The following FAM210A variants were observed in gnomAD, a reference collection of about 807,000 sequenced individuals.
FAM210A encodes the protein mitochondrial inner membrane scaffold 1.
A neutral mutation model predicts 25.3 loss-of-function variants in FAM210A; 13 were observed. The observed-to-expected ratio is 0.51, with a 90% CI of 0.33 to 0.82. FAM210A has a LOEUF of 0.82. FAM210A is among the 40% of genes least tolerant of loss of function. FAM210A has a pLI of 0.02. For missense variants in FAM210A, 319 were observed against 323.2 expected (o/e 0.99, Z 0.10); for synonymous variants, 125 against 118.7 (o/e 1.05, Z -0.35).
At chr18:13,704,726 T>G (rs2043765134) in intron 1 of FAM210A, among the ~76,000 whole-genome samples, 1 of 152,302 alleles carries the variant, frequency 6.6e-6, no homozygotes, top group Middle Eastern at 3.4e-3. Context: ...CAAGTTATAT[T>G]TTAGTGAATG....
At chr18:13,672,690 G>A (rs1429772641) in intron 2 of FAM210A, among the ~76,000 whole-genome samples, 1 of 152,210 alleles carries the variant, frequency 6.6e-6, no homozygotes, top group Non-Finnish European at 1.5e-5. Context: ...TTACAGGCAT[G>A]AGCCACAGTG....
At chr18:13,707,458 C>T (rs1424900164) in intron 1 of FAM210A, among the ~76,000 whole-genome samples, 1 of 152,232 alleles carries the variant, frequency 6.6e-6, no homozygotes, top group Non-Finnish European at 1.5e-5. Context: ...AAGGAGGTAC[C>T]CTCTACTCAG....
intron 1 of FAM210A, among the ~76,000 whole-genome samples, chr18:13,708,146 G>A (rs2043794037): frequency 6.6e-6 from 1 of 152,170 alleles, no homozygotes; most frequent in Non-Finnish European, 1.5e-5. Flanking sequence ...GCCTTGCAAT[G>A]GGCAATAGAA....
intron 1 of FAM210A, chr18:13,697,473 G>T (rs375439981): frequency 1.2e-4 from 21 of 172,406 alleles, no homozygotes; most frequent in African/African-American, 5.0e-4. Flanking sequence ...CTTATTGTTG[G>T]TGGGAATGCA....
intron 1 of FAM210A, among the ~76,000 whole-genome samples, chr18:13,689,729 A>AT (rs1288224254): frequency 6.6e-6 from 1 of 152,222 alleles, no homozygotes; most frequent in Non-Finnish European, 1.5e-5. Flanking sequence ...TTTTTATTGC[A>AT]TATGATATGA....
At chr18:13,719,601 C>T (rs2043884111) in intron 1 of FAM210A, among the ~76,000 whole-genome samples, 1 of 152,074 alleles carries the variant, frequency 6.6e-6, no homozygotes, top group Non-Finnish European at 1.5e-5. Context: ...ACCCTTTCAC[C>T]CACAGAGGTC....
In FAM210A at chr18:13,664,544, A is replaced by C. The variant is rs1410661133; in HGVS notation, c.*1936T>G. 2 of 152,210 alleles carry C rather than the reference A, an allele frequency of 1.3e-5. No homozygotes were observed. The highest frequency in any genetic ancestry group is 1.9e-4 in the East Asian group (1 of 5,198). 9.4% of individuals were successfully genotyped at this position (152,210 alleles called of 1,614,324 possible). On this transcript the variant is annotated 3_prime_UTR_variant, in exon 4 of 4. Transcript: ENST00000651643. ...CTTAAAAAACATGTTAATCATGTTTAGATTTGAAAATGTGGCATCAATGTG... is the reference window on the plus strand; with the variant it reads ...CTTAAAAAACATGTTAATCATGTTTCGATTTGAAAATGTGGCATCAATGTG...
intron 3 of FAM210A, among the ~76,000 whole-genome samples, chr18:13,667,653 G>T (rs911412459): frequency 6.6e-6 from 1 of 152,106 alleles, no homozygotes; most frequent in Admixed American, 6.5e-5. Context: ...CGGTGGCAGA[G>T]GTTGCAGCGA....
At chr18:13,716,518 T>C (rs2043863208) in intron 1 of FAM210A, among the ~76,000 whole-genome samples, 1 of 152,310 alleles carries the variant, frequency 6.6e-6, no homozygotes, top group East Asian at 1.9e-4. Context: ...AGGAAACATA[T>C]GGATTCTGGG....
intron 2 of FAM210A, among the ~76,000 whole-genome samples, chr18:13,675,700 GC>G (rs1211228266): frequency 3.6e-3 from 131 of 36,132 alleles, no homozygotes; most frequent in African/African-American, 4.3e-3. Context: ...ACATTCCTGA[GC>G]CCCGACTTCA....
chr18:13,713,701 T>C (rs886080591), intron 1 of FAM210A, among the ~76,000 whole-genome samples: 6 of 109,518 alleles, frequency 5.5e-5, no homozygotes, highest in African/African-American at 2.1e-4. Flanking sequence ...CCGTGATTAG[T>C]AGCGGGGAAG....
Position 13,703,347 on chromosome 18 carries a change from A to G in FAM210A, c.-28-21242T>C, listed in dbSNP as rs578145315. On this transcript the variant is annotated intron_variant, in intron 1 of 3. Coordinates refer to ENST00000651643, the MANE Select transcript of FAM210A (RefSeq NM_152352.4). Reference sequence around the variant, plus strand: ...CCTAGGAAGTATGGAGATGTCCCCAACCCCACTGAAAGATAAGACTCCTAT... The same window carrying G: ...CCTAGGAAGTATGGAGATGTCCCCAGCCCCACTGAAAGATAAGACTCCTAT... Among the ~76,000 whole-genome samples, 34 of 152,124 alleles carry G rather than the reference A, an allele frequency of 2.2e-4. No homozygotes were observed. The South Asian group carries it at 5.4e-3, about 24-fold the overall frequency.
intron 1 of FAM210A, among the ~76,000 whole-genome samples, chr18:13,683,712 C>A (rs1423777328): frequency 1.3e-5 from 2 of 152,092 alleles, no homozygotes; most frequent in African/African-American, 2.4e-5. Context: ...GGTGGTACCA[C>A]ACATGCCTTC....
chr18:13,683,928 A>G (rs2043575560), intron 1 of FAM210A, among the ~76,000 whole-genome samples: 1 of 152,220 alleles, frequency 6.6e-6, no homozygotes, highest in South Asian at 2.1e-4. Flanking sequence ...ATATAAAAAC[A>G]TTCATTAGTA....
chr18:13,706,391 C>A (rs1186100115), intron 1 of FAM210A, among the ~76,000 whole-genome samples: 2 of 151,578 alleles, frequency 1.3e-5, no homozygotes, highest in African/African-American at 2.4e-5. Context: ...ATGGGGTATA[C>A]TTTTATTTGA....
At position 13,663,852 on chromosome 18, in the gene FAM210A, T is replaced by C. The variant is rs917730073; in HGVS notation, c.*2628A>G. On this transcript the variant is annotated 3_prime_UTR_variant, in exon 4 of 4. Coordinates refer to ENST00000651643, the MANE Select transcript of FAM210A (RefSeq NM_152352.4). ...ATAAATATAAATATAAATGTAGACA[T>C]GTAAGACACAGGGCTGCTTCTGCCG... 4 of 152,150 alleles carry C rather than the reference T, an allele frequency of 2.6e-5. No homozygotes were observed. Among genetic ancestry groups the C allele is most frequent in the Non-Finnish European group, 4.4e-5 (3 of 68,042 alleles). 9.4% of individuals were successfully genotyped at this position (152,150 alleles called of 1,614,324 possible). A position where few individuals can be genotyped will look rare whatever the true frequency, so the allele number is the denominator to read the frequency against.
intron 1 of FAM210A, among the ~76,000 whole-genome samples, chr18:13,711,583 G>A (rs1253493988): frequency 6.6e-6 from 1 of 152,042 alleles, no homozygotes; most frequent in African/African-American, 2.4e-5. Flanking sequence ...AAGTCTTTCA[G>A]ACTTTCCTTT....
chr18:13,690,585 T>C (rs1215324348), intron 1 of FAM210A, among the ~76,000 whole-genome samples: 4 of 152,192 alleles, frequency 2.6e-5, no homozygotes, highest in Non-Finnish European at 5.9e-5. Flanking sequence ...CAGCAACATC[T>C]GCCATTCTGC....
intron 2 of FAM210A, among the ~76,000 whole-genome samples, chr18:13,678,569 C>T (rs577732402): frequency 2.3e-4 from 35 of 152,280 alleles, no homozygotes; most frequent in Non-Finnish European, 2.9e-4. Context: ...GGATTACAGG[C>T]GTGAGCCACT....
Sources: gnomAD v4.1 joint callset for allele counts (sites outside exome capture counted in the v4.1 genomes callset) on GRCh38, gnomAD v4.1.1 for gene constraint, MANE v1.5 for transcripts, NCBI Gene and HGNC (gene_info 2026-07-23, HGNC 2026-07-21) for gene names.